Variants in CWF19L2 observed in about 807,000 individuals in gnomAD.
CWF19L2 encodes CWF19 like cell cycle control factor 2, also known as CWF19-like protein 2.
Under a neutral mutation model 111.7 loss-of-function variants are expected in CWF19L2, and 98 were observed. That is an observed-to-expected ratio of 0.88 (90% CI 0.75 to 1.04). CWF19L2 has a LOEUF of 1.04. CWF19L2 is among the 50% of genes least tolerant of loss of function. The pLI is 0.00. For missense variants in CWF19L2, 1,101 were observed against 1,051.4 expected, an observed-to-expected ratio of 1.05 and a Z score of -0.65; for synonymous variants, 351 against 342.9, an observed-to-expected ratio of 1.02 and a Z score of -0.26.
chr11:107,400,213 A>C (rs577949703), intron 10 of CWF19L2, among the ~76,000 whole-genome samples: 60 of 150,996 alleles, frequency 4.0e-4, no homozygotes, highest in Non-Finnish European at 6.2e-4. Flanking sequence ...TGAAATAACC[A>C]AGATCAGAGC....
At chr11:107,363,521 C>T (rs1298742975) in intron 12 of CWF19L2, among the ~76,000 whole-genome samples, 1 of 149,520 alleles carries the variant, frequency 6.7e-6, no homozygotes, top group Non-Finnish European at 1.5e-5. Context: ...CAATATTCAA[C>T]ATTCTTAAAG....
intron 14 of CWF19L2, among the ~76,000 whole-genome samples, chr11:107,346,996 G>A (rs543061671): frequency 6.6e-6 from 1 of 152,268 alleles, no homozygotes; most frequent in African/African-American, 2.4e-5. Context: ...AAGCATCAGT[G>A]ACCCTCCTTT....
intron 2 of CWF19L2, 131 bp from the exon 3 acceptor site, chr11:107,454,703 T>C: frequency 2.0e-6 from 1 of 493,110 alleles, no homozygotes; most frequent in South Asian, 8.4e-5. Context: ...ACCAAGAATA[T>C]GTCTAAATAA....
intron 10 of CWF19L2, 43 bp downstream of exon 10, chr11:107,416,166 G>A: frequency 2.2e-6 from 1 of 454,488 alleles, no homozygotes; most frequent in South Asian, 5.4e-5. Flanking sequence ...CCCGGTGGTA[G>A]TTTACACAAG....
At chr11:107,456,801 G>C (rs1226139896) in intron 1 of CWF19L2, among the ~76,000 whole-genome samples, 1 of 152,152 alleles carries the variant, frequency 6.6e-6, no homozygotes, top group Non-Finnish European at 1.5e-5. Context: ...TCAGAGAAAA[G>C]AGCAGGGCTT....
In CWF19L2 at chr11:107,387,442, AAAAAC is replaced by A. The variant is rs1197757913; in HGVS notation, c.1872+2627_1872+2631del. Among the ~76,000 whole-genome samples the A allele has an allele frequency of 1.7e-4, 23 of 132,450 alleles. 1 individual carries two copies. Among genetic ancestry groups the A allele is most frequent in the South Asian group, 1.1e-3 (4 of 3,494 alleles). The allele number at this position is 132,450 out of a possible 152,430, so 86.9% of individuals were successfully genotyped here. On this transcript the variant is annotated intron_variant, in intron 12 of 17. Transcript: ENST00000282251. ...AACCAAATCATGACACAGCCTTGCT[AAAAAC>A]AAAACAAAACAAAACAAAACAAAAA...
intron 8 of CWF19L2, among the ~76,000 whole-genome samples, chr11:107,423,120 G>T (rs995393606): frequency 6.6e-6 from 1 of 151,858 alleles, no homozygotes; most frequent in African/African-American, 2.4e-5. Context: ...TGTTTTATTA[G>T]TTGTACTTTT....
Position 107,418,330 on chromosome 11 carries a change from C to A in CWF19L2, c.1434-43G>T, listed in dbSNP as rs184485148. The A allele has an allele frequency of 1.4e-4, 174 of 1,249,122 alleles. No homozygotes were observed. The African/African-American group carries it at 2.4e-3, about 17-fold the overall frequency. The allele number at this position is 1,249,122 out of a possible 1,614,324, so 77.4% of individuals were successfully genotyped here. A position where few individuals can be genotyped will look rare whatever the true frequency, so the allele number is the denominator to read the frequency against. On this transcript the variant is annotated intron_variant, in intron 8 of 17. Transcript: ENST00000282251. Reference sequence around the variant, plus strand: ...ATTAACAGCATATGAAATATAGGTGCGATGCAAGCAATAACATCAAGACTC... The same window carrying A: ...ATTAACAGCATATGAAATATAGGTGAGATGCAAGCAATAACATCAAGACTC...
intron 8 of CWF19L2, among the ~76,000 whole-genome samples, chr11:107,425,085 A>C (rs1265949674): frequency 6.6e-6 from 1 of 151,646 alleles, no homozygotes; most frequent in Non-Finnish European, 1.5e-5. Context: ...ACATGTCTCA[A>C]TTTCAAGAAT....
rs180922393 is a variant in CWF19L2, at chr11:107,326,903, G to A, written c.*7C>T. ...CTGAAGAAAAATTTTAAAATGGAAG[G>A]TACACCTCAATAGTTTTTACTTTTG... On this transcript the variant is annotated 3_prime_UTR_variant, in exon 18 of 18. Coordinates refer to ENST00000282251, the MANE Select transcript of CWF19L2 (RefSeq NM_152434.3). 6.1e-5 allele frequency: 96 copies of A among 1,582,508 alleles called. 2 individuals are homozygous for A. In the African/African-American group the frequency reaches 1.2e-3, roughly 20 times the overall value.
Position 107,329,921 on chromosome 11 carries a change from T to G in CWF19L2, c.2538A>C (p.Gly846=). 1.3e-6 allele frequency: 2 copies of G among 1,562,142 alleles called. No individual in the cohort carries two copies. Among genetic ancestry groups the G allele is most frequent in the South Asian group, 2.4e-5 (2 of 81,662 alleles). Residue 846 remains glycine (G), a synonymous_variant, in exon 17 of 18, where the codon GGA becomes GGC. Transcript: ENST00000282251. ...TTTATCAAATTTGTAAGCCTACCTTTCCAAAGTAATGAGGGAATTTGTGCT... is the reference window on the plus strand; with the variant it reads ...TTTATCAAATTTGTAAGCCTACCTTGCCAAAGTAATGAGGGAATTTGTGCT... ...EDQHKFPHYF[G]KEIIGGMLDI... is the part of the protein sequence containing the mutation.
intron 10 of CWF19L2, among the ~76,000 whole-genome samples, chr11:107,393,197 G>A (rs1860874098): frequency 6.6e-6 from 1 of 152,048 alleles, no homozygotes. Context: ...TAGTCCATGT[G>A]CCCATCACTT....
chr11:107,379,577 C>T (rs187240139), intron 12 of CWF19L2, among the ~76,000 whole-genome samples: 53 of 152,340 alleles, frequency 3.5e-4, no homozygotes, highest in Admixed American at 3.1e-3. Context: ...CTACTGATAA[C>T]CTGTTCAATC....
chr11:107,383,027 G>A (rs538453597), intron 12 of CWF19L2, among the ~76,000 whole-genome samples: 37 of 152,352 alleles, frequency 2.4e-4, no homozygotes, highest in African/African-American at 3.6e-4. Flanking sequence ...GCAAGGAAGC[G>A]TGCTCTGCAC....
chr11:107,362,999 C>A (rs1860380134), intron 12 of CWF19L2, among the ~76,000 whole-genome samples: 1 of 152,012 alleles, frequency 6.6e-6, no homozygotes. Context: ...GAGCTGAAAA[C>A]CAAGGCTCGA....
At chr11:107,331,115 G>A (rs958356414) in intron 16 of CWF19L2, among the ~76,000 whole-genome samples, 4 of 152,234 alleles carry the variant, frequency 2.6e-5, no homozygotes, top group South Asian at 2.1e-4. Context: ...ACCATTTGTG[G>A]CTTTAATTTT....
intron 10 of CWF19L2, among the ~76,000 whole-genome samples, chr11:107,414,155 G>A (rs1036049531): frequency 6.6e-6 from 1 of 152,008 alleles, no homozygotes; most frequent in African/African-American, 2.4e-5. Flanking sequence ...GTTATTTTGG[G>A]GGAAAGGGGA....
chr11:107,345,171 A>G (rs1464204586), intron 14 of CWF19L2, among the ~76,000 whole-genome samples: 7 of 152,170 alleles, frequency 4.6e-5, no homozygotes, highest in African/African-American at 1.7e-4. Context: ...AGCTTTTCAG[A>G]TTGTCTCTAT....
At chr11:107,387,462 C>CAAAAAAAAAAA in intron 12 of CWF19L2, among the ~76,000 whole-genome samples, 1 of 97,906 alleles carries the variant, frequency 1.0e-5, no homozygotes, top group African/African-American at 4.3e-5. Context: ...CAAAACAAAA[C>CAAAAAAAAAAA]AAAACAAAAA....
Sources: allele counts gnomAD v4.1 joint callset (sites outside exome capture counted in the v4.1 genomes callset), GRCh38; gene constraint gnomAD v4.1.1; transcripts MANE v1.5; gene names NCBI Gene and HGNC (gene_info 2026-07-23, HGNC 2026-07-21).